The following DDX24 variants were observed in gnomAD, a reference collection of about 807,000 sequenced individuals.
DDX24 encodes the protein ATP-dependent RNA helicase DDX24.
DDX24 carries 24 observed loss-of-function variants against 68.9 expected under a neutral mutation model. The ratio of observed to expected loss-of-function variants is 0.35; its 90% CI spans 0.25 to 0.49. DDX24 has a LOEUF of 0.49. Ranked by LOEUF, DDX24 falls within the 20% of genes least tolerant of loss-of-function variation. DDX24 has a pLI of 0.99. For synonymous variants in DDX24, 395 were observed against 385.2 expected (o/e 1.03, Z -0.30); for missense variants, 989 against 1,039.0 (o/e 0.95, Z 0.66).
intron 2 of DDX24, among the ~76,000 whole-genome samples, chr14:94,076,680 C>CA (rs35863241): frequency 0.47 from 47,163 of 99,780 alleles, 9,223 homozygotes; most frequent in Middle Eastern, 0.55. Context: ...GACTCCGTCT[C>CA]AAAAAAAAAA....
chr14:94,056,206 G>T (rs1265326619), intron 6 of DDX24: 2 of 152,166 alleles, frequency 1.3e-5, no homozygotes, highest in East Asian at 3.9e-4. Context: ...ATATGTATTT[G>T]CTCTTCATCC....
chr14:94,064,101 T>C (rs1885649595), intron 2 of DDX24, among the ~76,000 whole-genome samples: 1 of 152,172 alleles, frequency 6.6e-6, no homozygotes, highest in Non-Finnish European at 1.5e-5. Flanking sequence ...AGTAAATTAC[T>C]TGAGGGTAAA....
chr14:94,060,536 A>G lies in DDX24; in HGVS notation c.1475T>C (p.Leu492Pro). 6.2e-7 allele frequency: 1 copy of G among 1,614,170 alleles called. No individual in the cohort carries two copies. Among genetic ancestry groups the G allele is most frequent in the Non-Finnish European group, 8.5e-7 (1 of 1,180,040 alleles). The change falls in exon 5 of 9, where the codon CTC becomes CCC. Residue 492 changes from leucine (L) to proline (P), a missense_variant. Coordinates refer to ENST00000621632, the MANE Select transcript of DDX24 (RefSeq NM_020414.4). ...FAELSQLLEM[L>P]NDSQYNPKRQ... ...CTTTGGGTTGTATTGGGAGTCATTG[A>G]GCATCTCTAGCAGCTGTGAGAGCTC...
In DDX24 at chr14:94,055,153, C is replaced by T. The variant is rs758808678; in HGVS notation, c.2021G>A (p.Arg674Gln). ...GGTAGCTCGAGCAGTTCGACCACTT[C>T]GGTGGACATAAATCTCCGAGGTACG... ...VPRTSEIYVH[R>Q]SGRTARATNE... Residue 674 changes from arginine (R) to glutamine (Q), a missense_variant, in exon 7 of 9, where the codon CGA (arginine) becomes CAA (glutamine). By Grantham distance (43) the Arg-to-Gln change is conservative. Around this residue, in one of 3 missense-constraint regions of DDX24, gnomAD observed 691 missense variants for 760.0 expected, o/e 0.91. Coordinates refer to ENST00000621632, the MANE Select transcript of DDX24 (RefSeq NM_020414.4). The T allele has an allele frequency of 5.0e-6, 8 of 1,613,888 alleles. No homozygotes were observed. The highest frequency in any genetic ancestry group is 1.7e-5 in the Admixed American group (1 of 59,988).
At chr14:94,055,458 T>C (rs907650838) in intron 6 of DDX24, 9 of 447,478 alleles carry the variant, frequency 2.0e-5, no homozygotes, top group African/African-American at 3.8e-5. Flanking sequence ...CAGTCACTTC[T>C]TATCCAGGAT....
chr14:94,057,921 T>C, intron 5 of DDX24, 24 bp from the exon 6 acceptor site: 1 of 1,608,488 alleles, frequency 6.2e-7, no homozygotes, highest in East Asian at 2.2e-5. Context: ...AGAAAGCTTA[T>C]TAATAATAAC....
chr14:94,072,285 A>G (rs1171266193), intron 2 of DDX24, among the ~76,000 whole-genome samples: 1 of 152,268 alleles, frequency 6.6e-6, no homozygotes, highest in Non-Finnish European at 1.5e-5. Flanking sequence ...AAAGGAATGG[A>G]TTAACAGCAT....
At chr14:94,057,154 C>T (rs1885505994) in intron 6 of DDX24, 1 of 152,162 alleles carries the variant, frequency 6.6e-6, no homozygotes, top group Admixed American at 6.5e-5. Context: ...AATAACTTGC[C>T]TAAAGCTAAC....
intron 2 of DDX24, among the ~76,000 whole-genome samples, chr14:94,073,668 A>C (rs1885878050): frequency 6.6e-6 from 1 of 152,216 alleles, no homozygotes; most frequent in African/African-American, 2.4e-5. Flanking sequence ...TTAATCCATA[A>C]AACATGTATT....
intron 2 of DDX24, among the ~76,000 whole-genome samples, chr14:94,065,415 C>T (rs1035370120): frequency 2.3e-4 from 19 of 82,324 alleles, no homozygotes; most frequent in Non-Finnish European, 4.9e-4. Context: ...AAATTCAGTG[C>T]CAAAGAAGGA....
intron 5 of DDX24, among the ~76,000 whole-genome samples, chr14:94,058,695 C>A (rs1218375233): frequency 6.6e-6 from 1 of 152,148 alleles, no homozygotes; most frequent in Non-Finnish European, 1.5e-5. Flanking sequence ...AAGACTCTGG[C>A]CCTTCAGGGT....
intron 7 of DDX24, 82 bp downstream of exon 7, chr14:94,054,914 C>T (rs1465937499): frequency 6.8e-7 from 1 of 1,473,504 alleles, no homozygotes; most frequent in Non-Finnish European, 9.3e-7. Flanking sequence ...AAGGGTTATG[C>T]TGCCAGAGTC....
chr14:94,052,436 T>C (rs1323610280), intron 8 of DDX24, among the ~76,000 whole-genome samples: 2 of 151,890 alleles, frequency 1.3e-5, no homozygotes, highest in African/African-American at 2.4e-5. Context: ...GTTCATGTCA[T>C]GAAAGTGGAG....
At chr14:94,067,047 G>A (rs1885720213) in intron 2 of DDX24, among the ~76,000 whole-genome samples, 1 of 152,032 alleles carries the variant, frequency 6.6e-6, no homozygotes, top group African/African-American at 2.4e-5. Flanking sequence ...AATCAGGGAG[G>A]GACCAGAGAA....
chr14:94,062,644 A>T (rs527692680), intron 2 of DDX24, 23 bp from the exon 3 acceptor site: 230 of 1,567,720 alleles, frequency 1.5e-4, no homozygotes, highest in Non-Finnish European at 1.9e-4. Flanking sequence ...AAAACAAAAC[A>T]AAGTAAAAAC....
intron 3 of DDX24, 67 bp from the exon 4 acceptor site, chr14:94,061,133 C>T: frequency 6.4e-7 from 1 of 1,560,210 alleles, no homozygotes; most frequent in African/African-American, 1.4e-5. Context: ...ATGGCTGACA[C>T]AGGCACCCCA....
At position 94,051,090 on chromosome 14, in the gene DDX24, T is replaced by C; in HGVS notation, c.*101A>G. ...GTGAGTGGAAGAGAGGGAGACTTTT[T>C]TACCTGGGGTTGGTGGTGGAGTGAA... On this transcript the variant is annotated 3_prime_UTR_variant, in exon 9 of 9. Coordinates refer to ENST00000621632, the MANE Select transcript of DDX24 (RefSeq NM_020414.4). 3 of 1,412,930 alleles carry C rather than the reference T, an allele frequency of 2.1e-6. No individual in the cohort carries two copies. The highest frequency in any genetic ancestry group is 1.9e-6 in the Non-Finnish European group (2 of 1,061,090). 87.5% of individuals were successfully genotyped at this position (1,412,930 alleles called of 1,614,324 possible).
intron 3 of DDX24, among the ~76,000 whole-genome samples, chr14:94,061,663 C>T (rs1386515519): frequency 6.6e-6 from 1 of 152,128 alleles, no homozygotes; most frequent in African/African-American, 2.4e-5. Flanking sequence ...GAGCAGGGAT[C>T]AGCCAACTTT....
intron 7 of DDX24, among the ~76,000 whole-genome samples, chr14:94,054,706 T>C (rs970015112): frequency 2.0e-5 from 3 of 152,186 alleles, no homozygotes; most frequent in Non-Finnish European, 4.4e-5. Context: ...TCTGACAGGA[T>C]ATCCAGACAG....
Sources: allele counts gnomAD v4.1 joint callset (sites outside exome capture counted in the v4.1 genomes callset), GRCh38; gene constraint gnomAD v4.1.1; regional missense constraint gnomAD v4.1.1; transcripts MANE v1.5; gene names NCBI Gene and HGNC (gene_info 2026-07-23, HGNC 2026-07-21).